AUTS2: variants seen among roughly 807,000 people sequenced by gnomAD.
AUTS2 encodes the protein autism susceptibility gene 2 protein.
AUTS2 carries 17 observed loss-of-function variants against 112.4 expected under a neutral mutation model. That is an observed-to-expected ratio of 0.15 (90% CI 0.10 to 0.23). AUTS2 has a LOEUF of 0.23. Ranked by LOEUF, AUTS2 falls within the 10% of genes least tolerant of loss-of-function variation. The pLI is 1.00. For synonymous variants in AUTS2, 751 were observed against 702.7 expected (o/e 1.07, Z -1.09); for missense variants, 1,510 against 1,701.6 (o/e 0.89, Z 1.98).
rs1324029105 is a variant in AUTS2, at chr7:69,598,522, T to A, written c.-1132T>A. The A allele has an allele frequency of 1.9e-5, 3 of 161,856 alleles. No homozygotes were observed. The highest frequency in any genetic ancestry group is 3.8e-5 in the Non-Finnish European group (3 of 77,972). The allele number at this position is 161,856 out of a possible 1,614,324, so 10.0% of individuals were successfully genotyped here. A position where few individuals can be genotyped will look rare whatever the true frequency, so the allele number is the denominator to read the frequency against. ...CCGCCCGGGGACACGCCGTGCACCC[T>A]CCGGCTCGGGGCTTTCTCGGCGGCG... On this transcript the variant is annotated 5_prime_UTR_variant, in exon 1 of 19. Coordinates refer to ENST00000342771, the MANE Select transcript of AUTS2 (RefSeq NM_015570.4).
chr7:70,282,797 A>G (rs1788282761), intron 4 of AUTS2, among the ~76,000 whole-genome samples: 1 of 152,214 alleles, frequency 6.6e-6, no homozygotes, highest in Non-Finnish European at 1.5e-5. Context: ...ATTTTGTGGA[A>G]GAAGGAATGG....
chr7:70,729,556 C>T lies in AUTS2; in HGVS notation c.742+30936C>T, dbSNP rs182376250. ...TGGTGAGATCCTTCAGGGTAGGACC[C>T]AGGTCTTACTCTTCAGTAAACTCCT... On this transcript the variant is annotated intron_variant, in intron 6 of 18. Coordinates refer to ENST00000342771, the MANE Select transcript of AUTS2 (RefSeq NM_015570.4). Among the ~76,000 whole-genome samples the T allele has an allele frequency of 6.6e-3, 1,010 of 152,292 alleles. 10 individuals are homozygous for T. The highest frequency in any genetic ancestry group is 0.017 in the Admixed American group (267 of 15,294).
chr7:70,215,022 C>T (rs183342523), intron 4 of AUTS2, among the ~76,000 whole-genome samples: 6 of 152,320 alleles, frequency 3.9e-5, no homozygotes, highest in South Asian at 2.1e-4. Flanking sequence ...CAGTGGCTCA[C>T]GCCAGTAATG....
At chr7:69,763,421 G>C (rs1788279567) in intron 1 of AUTS2, among the ~76,000 whole-genome samples, 1 of 152,100 alleles carries the variant, frequency 6.6e-6, no homozygotes, top group African/African-American at 2.4e-5. Flanking sequence ...GGTACACAAG[G>C]CATCTTTAGT....
intron 1 of AUTS2, among the ~76,000 whole-genome samples, chr7:69,831,467 G>A (rs544203734): frequency 2.3e-4 from 35 of 152,206 alleles, no homozygotes; most frequent in African/African-American, 8.4e-4. Flanking sequence ...GCCAGTCTTG[G>A]TGGGGAAGCA....
At chr7:70,450,148 A>G (rs552377975) in intron 5 of AUTS2, among the ~76,000 whole-genome samples, 1 of 152,332 alleles carries the variant, frequency 6.6e-6, no homozygotes, top group South Asian at 2.1e-4. Context: ...TGTTTCATTC[A>G]ACAAATTTAA....
rs182808192 is a variant in AUTS2 at position 69,915,180 on chromosome 7, A to C, written c.522+15682A>C. On this transcript the variant is annotated intron_variant, in intron 2 of 18. Coordinates refer to ENST00000342771, the MANE Select transcript of AUTS2 (RefSeq NM_015570.4). ...AGACAAGGTTGAACATCTCCTAGAGAGGGAATACCTTCAGAGATACATATT... is the reference window on the plus strand; with the variant it reads ...AGACAAGGTTGAACATCTCCTAGAGCGGGAATACCTTCAGAGATACATATT... Among the ~76,000 whole-genome samples, 26 of 152,360 alleles carry C rather than the reference A, an allele frequency of 1.7e-4. No homozygotes were observed. The East Asian group carries it at 4.4e-3, about 26-fold the overall frequency.
intron 1 of AUTS2, among the ~76,000 whole-genome samples, chr7:69,705,665 A>T (rs952056763): frequency 1.3e-5 from 2 of 152,218 alleles, no homozygotes; most frequent in Admixed American, 1.3e-4. Context: ...GCTTATTTTT[A>T]TAAGAGTTTA....
chr7:69,728,470 T>A (rs965698615), intron 1 of AUTS2, among the ~76,000 whole-genome samples: 1 of 151,398 alleles, frequency 6.6e-6, no homozygotes, highest in Non-Finnish European at 1.5e-5. Flanking sequence ...CCTGTGTGGG[T>A]TTTTTGCTTT....
intron 5 of AUTS2, among the ~76,000 whole-genome samples, chr7:70,531,953 G>A (rs1036515892): frequency 6.6e-6 from 1 of 152,206 alleles, no homozygotes; most frequent in African/African-American, 2.4e-5. Context: ...GCTGGCTTCT[G>A]TCAGTCATCT....
At chr7:70,438,541 A>G (rs938608995) in intron 5 of AUTS2, among the ~76,000 whole-genome samples, 2 of 152,114 alleles carry the variant, frequency 1.3e-5, no homozygotes, top group Admixed American at 6.5e-5. Context: ...AACAGGAGCC[A>G]TTGAGACTCT....
intron 5 of AUTS2, among the ~76,000 whole-genome samples, chr7:70,452,184 C>A (rs1271521899): frequency 6.6e-6 from 1 of 151,998 alleles, no homozygotes; most frequent in African/African-American, 2.4e-5. Flanking sequence ...ATTATATGGC[C>A]CATAATAGTA....
chr7:70,337,059 TG>T (rs1014456004), intron 4 of AUTS2, among the ~76,000 whole-genome samples: 18 of 152,344 alleles, frequency 1.2e-4, no homozygotes, highest in African/African-American at 4.3e-4. Context: ...GGTGGACCCC[TG>T]CTTTTTCTCA....
At chr7:69,811,145 G>A (rs1251033770) in intron 1 of AUTS2, among the ~76,000 whole-genome samples, 1 of 152,102 alleles carries the variant, frequency 6.6e-6, no homozygotes, top group East Asian at 1.9e-4. Context: ...GCCGTTGACT[G>A]GGTTACCTTC....
chr7:70,567,373 G>A (rs2129524731), intron 5 of AUTS2, among the ~76,000 whole-genome samples: 1 of 152,256 alleles, frequency 6.6e-6, no homozygotes, highest in South Asian at 2.1e-4. Context: ...GCAGTATGGG[G>A]TCATCAAAAA....
chr7:70,547,341 G>A (rs991949069), intron 5 of AUTS2, among the ~76,000 whole-genome samples: 1 of 152,262 alleles, frequency 6.6e-6, no homozygotes. Context: ...TGCAACCTCC[G>A]CCTCCCGGGG....
chr7:70,455,002 A>G (rs1585165067), intron 5 of AUTS2, among the ~76,000 whole-genome samples: 1 of 152,114 alleles, frequency 6.6e-6, no homozygotes, highest in Non-Finnish European at 1.5e-5. Flanking sequence ...GGAGTCCAGT[A>G]CCCTTGTTGA....
intron 4 of AUTS2, among the ~76,000 whole-genome samples, chr7:70,359,172 C>T (rs1391540427): frequency 6.6e-6 from 1 of 152,190 alleles, no homozygotes; most frequent in Non-Finnish European, 1.5e-5. Context: ...AGAGAAGAAA[C>T]AAAGCATTAT....
At chr7:70,549,968 G>C (rs1800951654) in intron 5 of AUTS2, among the ~76,000 whole-genome samples, 2 of 152,174 alleles carry the variant, frequency 1.3e-5, no homozygotes, top group Non-Finnish European at 2.9e-5. Flanking sequence ...TGATGGTTTT[G>C]TTTTGTTTTT....
Sources: gnomAD v4.1 joint callset for allele counts (sites outside exome capture counted in the v4.1 genomes callset) on GRCh38, gnomAD v4.1.1 for gene constraint, MANE v1.5 for transcripts, NCBI Gene and HGNC (gene_info 2026-07-23, HGNC 2026-07-21) for gene names.